KCNQ3: variants seen among roughly 807,000 people sequenced by gnomAD.
The protein encoded by KCNQ3 is potassium voltage-gated channel subfamily KQT member 3.
KCNQ3 carries 30 observed loss-of-function variants against 92.5 expected under a neutral mutation model. The ratio of observed to expected loss-of-function variants is 0.32; its 90% CI spans 0.24 to 0.44. The LOEUF is 0.44. KCNQ3 is among the 20% of genes least tolerant of loss of function. The pLI, the probability that KCNQ3 is intolerant of heterozygous loss-of-function variation, is 1.00. For missense variants in KCNQ3, 913 were observed against 1,140.3 expected (o/e 0.80, Z 2.87); for synonymous variants, 450 against 468.8 (o/e 0.96, Z 0.52).
At position 132,265,644 on chromosome 8, in the gene KCNQ3, G is replaced by A. The variant is rs951557192; in HGVS notation, c.387-79463C>T. ...GTGTTACACATTCTGCATCAGTATG[G>A]CAGATTTTAGCAGTGAAACACGTAA... is the stretch of plus-strand genomic sequence containing the variant. On this transcript the variant is annotated intron_variant, in intron 1 of 14. Transcript: ENST00000388996. 3.0e-4 allele frequency among the ~76,000 whole-genome samples: 46 copies of A among 152,158 alleles called. 1 individual carries two copies. Among genetic ancestry groups the A allele is most frequent in the African/African-American group, 9.9e-4 (41 of 41,424 alleles).
chr8:132,301,265 C>T (rs1345763406), intron 1 of KCNQ3, among the ~76,000 whole-genome samples: 9 of 152,156 alleles, frequency 5.9e-5, no homozygotes, highest in Non-Finnish European at 1.0e-4. Context: ...CTCACCCATC[C>T]GACTGTACGC....
chr8:132,357,651 T>A (rs933774420), intron 1 of KCNQ3, among the ~76,000 whole-genome samples: 1 of 152,182 alleles, frequency 6.6e-6, no homozygotes, highest in Non-Finnish European at 1.5e-5. Flanking sequence ...CATCACTCCA[T>A]GTCGTCCAGA....
chr8:132,327,211 G>A (rs1347853593), intron 1 of KCNQ3, among the ~76,000 whole-genome samples: 1 of 152,236 alleles, frequency 6.6e-6, no homozygotes, highest in Non-Finnish European at 1.5e-5. Flanking sequence ...AGGATCTCAT[G>A]TGTGAGAAGA....
intron 11 of KCNQ3, among the ~76,000 whole-genome samples, chr8:132,138,792 T>C (rs1342947555): frequency 1.3e-5 from 2 of 152,338 alleles, no homozygotes; most frequent in Middle Eastern, 6.8e-3. Flanking sequence ...AATGGTGCAT[T>C]CAAAGTTCAT....
chr8:132,185,832 T>C (rs927522244), intron 2 of KCNQ3, among the ~76,000 whole-genome samples: 2 of 152,234 alleles, frequency 1.3e-5, no homozygotes, highest in African/African-American at 4.8e-5. Flanking sequence ...ATAACATGCA[T>C]TGGTTTTTGC....
chr8:132,413,373 A>G (rs77211549), intron 1 of KCNQ3, among the ~76,000 whole-genome samples: 2,528 of 152,326 alleles, frequency 0.017, 73 homozygotes, highest in African/African-American at 0.057. Context: ...TTCAGACTTC[A>G]GTTTAAGCAT....
chr8:132,250,251 G>C (rs1815359196), intron 1 of KCNQ3, among the ~76,000 whole-genome samples: 1 of 152,186 alleles, frequency 6.6e-6, no homozygotes, highest in African/African-American at 2.4e-5. Context: ...GAGTCTGACA[G>C]AGAATGGAGA....
At chr8:132,386,560 C>T (rs542506976) in intron 1 of KCNQ3, among the ~76,000 whole-genome samples, 1 of 151,938 alleles carries the variant, frequency 6.6e-6, no homozygotes, top group African/African-American at 2.4e-5. Flanking sequence ...GGATATCATA[C>T]AAAATTAATC....
chr8:132,189,937 C>T (rs868566000), intron 1 of KCNQ3, among the ~76,000 whole-genome samples: 21 of 139,124 alleles, frequency 1.5e-4, no homozygotes, highest in African/African-American at 5.1e-4. Flanking sequence ...AGGATATGGT[C>T]TAGCCATATG....
chr8:132,192,231 C>G (rs974561693), intron 1 of KCNQ3, among the ~76,000 whole-genome samples: 7 of 152,234 alleles, frequency 4.6e-5, no homozygotes, highest in African/African-American at 1.7e-4. Flanking sequence ...TAGCCCCGCG[C>G]TTCTCACGCC....
At position 132,346,077 on chromosome 8, in the gene KCNQ3, G is replaced by C. The variant is rs939580881; in HGVS notation, c.386+134070C>G. On this transcript the variant is annotated intron_variant, in intron 1 of 14. Transcript: ENST00000388996. ...TGATGATGGAATGGTCATAATGGTG[G>C]TGACAAGATGACGATGATGATGATG... is the stretch of plus-strand genomic sequence containing the variant. Among the ~76,000 whole-genome samples the C allele has an allele frequency of 6.3e-4, 96 of 152,012 alleles. 1 individual carries two copies. Among genetic ancestry groups the C allele is most frequent in the African/African-American group, 2.1e-3 (85 of 41,372 alleles).
intron 1 of KCNQ3, among the ~76,000 whole-genome samples, chr8:132,429,477 A>G (rs1821191836): frequency 6.6e-6 from 1 of 152,172 alleles, no homozygotes; most frequent in Non-Finnish European, 1.5e-5. Context: ...CATCCAATAC[A>G]TGCATTATTC....
At position 132,453,508 on chromosome 8, in the gene KCNQ3, C is replaced by G. The variant is rs1222364373; in HGVS notation, c.386+26639G>C. On this transcript the variant is annotated intron_variant, in intron 1 of 14. Transcript: ENST00000388996. ...ATCTTCGGCTGTTCTTACAGTAGAG[C>G]CTGGGGCCTAAAACCGAGGGGCCTG... Among the ~76,000 whole-genome samples the G allele has an allele frequency of 3.3e-5, 5 of 152,090 alleles. No homozygotes were observed. In the East Asian group the frequency reaches 9.7e-4, roughly 29 times the overall value.
At chr8:132,315,292 G>T (rs918660265) in intron 1 of KCNQ3, among the ~76,000 whole-genome samples, 1 of 152,132 alleles carries the variant, frequency 6.6e-6, no homozygotes. Flanking sequence ...ACTGGTAAAA[G>T]TGGAGTGTGA....
chr8:132,406,898 T>C (rs1480930126), intron 1 of KCNQ3, among the ~76,000 whole-genome samples: 1 of 152,178 alleles, frequency 6.6e-6, no homozygotes, highest in East Asian at 1.9e-4. Context: ...GACAATTTCA[T>C]GTGGTGGAAA....
At chr8:132,472,085 G>T (rs896552014) in intron 1 of KCNQ3, among the ~76,000 whole-genome samples, 3 of 152,058 alleles carry the variant, frequency 2.0e-5, no homozygotes, top group Non-Finnish European at 1.5e-5. Context: ...AGTTAGAATG[G>T]TCATTATTAA....
intron 1 of KCNQ3, among the ~76,000 whole-genome samples, chr8:132,432,020 C>T (rs1464010927): frequency 6.6e-6 from 1 of 152,210 alleles, no homozygotes; most frequent in Non-Finnish European, 1.5e-5. Context: ...ACATCTCCCT[C>T]AGAGGGTTGT....
intron 1 of KCNQ3, among the ~76,000 whole-genome samples, chr8:132,254,935 A>G (rs1390864703): frequency 6.6e-6 from 1 of 152,166 alleles, no homozygotes; most frequent in Admixed American, 6.5e-5. Flanking sequence ...GACCTCCTAA[A>G]GTCCTCTCTT....
intron 1 of KCNQ3, among the ~76,000 whole-genome samples, chr8:132,437,603 A>C (rs2130832817): frequency 6.6e-6 from 1 of 152,366 alleles, no homozygotes; most frequent in South Asian, 2.1e-4. Flanking sequence ...TGGTGAAACC[A>C]TTTATTCTTT....
Sources: gnomAD v4.1 joint callset for allele counts (sites outside exome capture counted in the v4.1 genomes callset) on GRCh38, gnomAD v4.1.1 for gene constraint, MANE v1.5 for transcripts, NCBI Gene and HGNC (gene_info 2026-07-23, HGNC 2026-07-21) for gene names.